Variants in SSBP2 observed in about 807,000 individuals in gnomAD.
SSBP2 encodes the protein single stranded DNA binding protein 2.
SSBP2 carries 17 observed loss-of-function variants against 61.8 expected under a neutral mutation model. The observed-to-expected ratio is 0.28, with a 90% CI of 0.19 to 0.41. SSBP2 has a LOEUF of 0.41. SSBP2 is among the 10% of genes least tolerant of loss of function. The pLI, the probability that SSBP2 is intolerant of heterozygous loss-of-function variation, is 1.00. For missense variants in SSBP2, 310 were observed against 458.7 expected, an observed-to-expected ratio of 0.68 and a Z score of 2.96; for synonymous variants, 139 against 141.3, an observed-to-expected ratio of 0.98 and a Z score of 0.12.
chr5:81,472,417 G>T (rs1404034860), intron 8 of SSBP2, among the ~76,000 whole-genome samples: 4 of 152,056 alleles, frequency 2.6e-5, no homozygotes, highest in Non-Finnish European at 4.4e-5. Flanking sequence ...TATACTGATA[G>T]TATTATGCTT....
At chr5:81,514,328 CT>C (rs1222761435) in intron 4 of SSBP2, among the ~76,000 whole-genome samples, 4 of 151,378 alleles carry the variant, frequency 2.6e-5, no homozygotes, top group African/African-American at 9.7e-5. Context: ...AGAGAATAGT[CT>C]CATACAAATT....
chr5:81,683,593 C>A (rs1752559893), intron 1 of SSBP2, among the ~76,000 whole-genome samples: 1 of 152,112 alleles, frequency 6.6e-6, no homozygotes, highest in African/African-American at 2.4e-5. Flanking sequence ...TTAGATTCAA[C>A]ACAAAACATT....
chr5:81,432,967 C>T (rs1314371117), intron 15 of SSBP2, among the ~76,000 whole-genome samples: 19 of 136,056 alleles, frequency 1.4e-4, no homozygotes, highest in Non-Finnish European at 2.1e-4. Flanking sequence ...CCAGCCGCCC[C>T]GTCCGGGAGG....
In SSBP2 at chr5:81,598,918, T is replaced by C. The variant is rs73766284; in HGVS notation, c.282+16555A>G. 1.8e-3 allele frequency among the ~76,000 whole-genome samples: 279 copies of C among 152,320 alleles called. 1 individual carries two copies. The highest frequency in any genetic ancestry group is 6.3e-3 in the African/African-American group (263 of 41,572). ...CTTCCCTCTGGGCTAGACCCCACTT[T>C]GATTCTTAATTTAAAAAAACTAATT... On this transcript the variant is annotated intron_variant, in intron 4 of 16. Coordinates refer to ENST00000320672, the MANE Select transcript of SSBP2 (RefSeq NM_012446.5).
chr5:81,471,732 A>C, intron 8 of SSBP2, among the ~76,000 whole-genome samples: 1 of 152,014 alleles, frequency 6.6e-6, no homozygotes, highest in Non-Finnish European at 1.5e-5. Flanking sequence ...ACTGAGCCTA[A>C]ATAAAAGAAA....
intron 5 of SSBP2, among the ~76,000 whole-genome samples, chr5:81,494,787 G>A (rs1290417711): frequency 6.6e-6 from 1 of 151,596 alleles, no homozygotes; most frequent in Non-Finnish European, 1.5e-5. Flanking sequence ...GTATATACAA[G>A]CCAAGAAAAT....
At chr5:81,563,426 T>C (rs1378887353) in intron 4 of SSBP2, among the ~76,000 whole-genome samples, 2 of 151,696 alleles carry the variant, frequency 1.3e-5, no homozygotes, top group Non-Finnish European at 2.9e-5. Flanking sequence ...TAGGAAAAAA[T>C]ATCTGTGACT....
At chr5:81,441,053 T>C (rs1473367654) in intron 13 of SSBP2, among the ~76,000 whole-genome samples, 2 of 152,202 alleles carry the variant, frequency 1.3e-5, no homozygotes, top group African/African-American at 4.8e-5. Context: ...TATGACAACA[T>C]TAACATTTTT....
At chr5:81,628,996 T>C (rs930856098) in intron 3 of SSBP2, among the ~76,000 whole-genome samples, 1 of 151,230 alleles carries the variant, frequency 6.6e-6, no homozygotes, top group South Asian at 2.1e-4. Flanking sequence ...TAATCCATCT[T>C]TTTTTTTTGA....
chr5:81,470,468 T>C (rs1356930521), intron 8 of SSBP2, among the ~76,000 whole-genome samples: 1 of 151,740 alleles, frequency 6.6e-6, no homozygotes, highest in Non-Finnish European at 1.5e-5. Context: ...GGGGCAAACC[T>C]TTATTTCTTC....
At chr5:81,660,945 G>C (rs1750632510) in intron 1 of SSBP2, among the ~76,000 whole-genome samples, 1 of 151,712 alleles carries the variant, frequency 6.6e-6, no homozygotes, top group Non-Finnish European at 1.5e-5. Flanking sequence ...GTCATAAGTG[G>C]GAGTTGAACA....
At chr5:81,432,327 G>A (rs1190915372) in intron 15 of SSBP2, among the ~76,000 whole-genome samples, 1 of 152,060 alleles carries the variant, frequency 6.6e-6, no homozygotes, top group Non-Finnish European at 1.5e-5. Flanking sequence ...TACTTTCTTG[G>A]TAATTTATTA....
At chr5:81,511,316 G>A (rs752315103) in intron 5 of SSBP2, among the ~76,000 whole-genome samples, 25 of 151,884 alleles carry the variant, frequency 1.6e-4, no homozygotes, top group Admixed American at 6.6e-5. Context: ...AGGGCTTCTC[G>A]AGGGCAGGGA....
intron 4 of SSBP2, among the ~76,000 whole-genome samples, chr5:81,584,964 G>A (rs886169344): frequency 2.0e-5 from 3 of 151,982 alleles, no homozygotes; most frequent in Non-Finnish European, 2.9e-5. Context: ...GAGTTAAGTA[G>A]TTTAAGATAA....
chr5:81,685,042 C>T (rs951485338), intron 1 of SSBP2, among the ~76,000 whole-genome samples: 1 of 151,976 alleles, frequency 6.6e-6, no homozygotes, highest in Non-Finnish European at 1.5e-5. Flanking sequence ...TGAGTTCTCA[C>T]GAGATCTGAT....
intron 12 of SSBP2, among the ~76,000 whole-genome samples, chr5:81,445,359 T>C (rs2153969298): frequency 6.6e-6 from 1 of 151,306 alleles, no homozygotes; most frequent in East Asian, 1.9e-4. Context: ...CTTGTGGCAA[T>C]TTCTGGTTTG....
intron 2 of SSBP2, among the ~76,000 whole-genome samples, chr5:81,646,967 TACTGTAGAACATAAA>T (rs1388845642): frequency 2.6e-5 from 4 of 152,032 alleles, no homozygotes; most frequent in African/African-American, 9.7e-5. Context: ...AGCAGCTAGA[TACTGTAGAACATAAA>T]ATGTGAGGGA....
chr5:81,721,535 C>T (rs989932572), intron 1 of SSBP2, among the ~76,000 whole-genome samples: 1 of 152,016 alleles, frequency 6.6e-6, no homozygotes, highest in Non-Finnish European at 1.5e-5. Flanking sequence ...ATGCCAAAAT[C>T]TGTAACAGAA....
chr5:81,593,006 G>T (rs532549073), intron 4 of SSBP2, among the ~76,000 whole-genome samples: 3 of 152,206 alleles, frequency 2.0e-5, no homozygotes, highest in African/African-American at 7.2e-5. Context: ...ACTTTGACGA[G>T]TTGAGAGAAG....
Sources: allele counts gnomAD v4.1 joint callset (sites outside exome capture counted in the v4.1 genomes callset), GRCh38; gene constraint gnomAD v4.1.1; transcripts MANE v1.5; gene names NCBI Gene and HGNC (gene_info 2026-07-23, HGNC 2026-07-21).